The following MAD1L1 variants were observed in gnomAD, a reference collection of about 807,000 sequenced individuals.
MAD1L1 encodes the protein mitotic arrest deficient 1 like 1, also known as mitotic spindle assembly checkpoint protein MAD1.
In MAD1L1, 95 loss-of-function variants were observed where a neutral mutation model predicts 96.9. The ratio of observed to expected loss-of-function variants is 0.98; its 90% CI spans 0.83 to 1.16. The LOEUF is 1.16. Ranked by LOEUF, MAD1L1 falls within the 50% of genes most tolerant of loss-of-function variation. The probability of loss-of-function intolerance (pLI) is 0.00; values close to 1 mark genes in which losing one functional copy is unlikely to be tolerated. For missense variants in MAD1L1, 1,007 were observed against 954.4 expected, an observed-to-expected ratio of 1.06 and a Z score of -0.73; for synonymous variants, 473 against 396.6, an observed-to-expected ratio of 1.19 and a Z score of -2.29.
intron 10 of MAD1L1, among the ~76,000 whole-genome samples, chr7:2,180,030 T>G (rs562910810): frequency 6.6e-6 from 1 of 151,506 alleles, no homozygotes; most frequent in East Asian, 1.9e-4. Flanking sequence ...TCCCCTAATC[T>G]CTCCCAGGGC....
intron 18 of MAD1L1, among the ~76,000 whole-genome samples, chr7:1,843,384 G>T (rs1015888753): frequency 6.6e-6 from 1 of 152,150 alleles, no homozygotes; most frequent in Non-Finnish European, 1.5e-5. Context: ...CAGGGAGGCC[G>T]CAATGAAGGC....
chr7:1,852,281 C>T (rs1784018449), intron 18 of MAD1L1, among the ~76,000 whole-genome samples: 1 of 152,222 alleles, frequency 6.6e-6, no homozygotes, highest in Non-Finnish European at 1.5e-5. Context: ...GGGTTCAGGC[C>T]CCCACACCTG....
chr7:2,106,758 C>T (rs571736092), intron 11 of MAD1L1, among the ~76,000 whole-genome samples: 96 of 152,240 alleles, frequency 6.3e-4, no homozygotes, highest in Non-Finnish European at 1.2e-3. Flanking sequence ...ACCATTCAGT[C>T]CCTTCTGCAG....
intron 18 of MAD1L1, among the ~76,000 whole-genome samples, chr7:1,850,124 T>C (rs535768948): frequency 6.6e-6 from 1 of 152,296 alleles, no homozygotes; most frequent in Admixed American, 6.5e-5. Context: ...CGCCTTAATC[T>C]GAGTGGTTGT....
At chr7:2,037,613 A>T (rs182731640) in intron 12 of MAD1L1, among the ~76,000 whole-genome samples, 44 of 152,244 alleles carry the variant, frequency 2.9e-4, no homozygotes, top group African/African-American at 1.0e-3. Flanking sequence ...TACTTCCGAC[A>T]TTGCATCACT....
intron 14 of MAD1L1, among the ~76,000 whole-genome samples, chr7:1,996,957 G>C (rs1444878345): frequency 6.6e-6 from 1 of 152,044 alleles, no homozygotes; most frequent in African/African-American, 2.4e-5. Flanking sequence ...GGATATTTTA[G>C]AGCTGTAATC....
chr7:2,102,304 C>CCGT, intron 11 of MAD1L1, among the ~76,000 whole-genome samples: 2 of 77,014 alleles, frequency 2.6e-5, no homozygotes, highest in Non-Finnish European at 7.8e-5. Flanking sequence ...GTCACCATCA[C>CCGT]CACCGTCACC....
At chr7:2,061,978 C>T (rs1017404016) in intron 12 of MAD1L1, among the ~76,000 whole-genome samples, 14 of 152,296 alleles carry the variant, frequency 9.2e-5, no homozygotes, top group Middle Eastern at 3.4e-3. Context: ...CAGTGGCTCA[C>T]GCCTGTAATC....
chr7:1,965,081 G>A (rs73292426), intron 15 of MAD1L1, among the ~76,000 whole-genome samples: 2,423 of 152,308 alleles, frequency 0.016, 74 homozygotes, highest in African/African-American at 0.055. Context: ...CTAGCTCCAC[G>A]TTTCCAGCCC....
chr7:2,077,848 T>C (rs530035870), intron 11 of MAD1L1, among the ~76,000 whole-genome samples: 1 of 152,290 alleles, frequency 6.6e-6, no homozygotes, highest in African/African-American at 2.4e-5. Context: ...GTGCTCGTCC[T>C]CCAGTCACAA....
intron 11 of MAD1L1, among the ~76,000 whole-genome samples, chr7:2,124,001 C>T (rs1788108929): frequency 6.6e-6 from 1 of 152,240 alleles, no homozygotes; most frequent in Admixed American, 6.5e-5. Flanking sequence ...AAGAACTCTG[C>T]TTCCTGGGAA....
chr7:2,128,462 AC>A (rs1788345412), intron 11 of MAD1L1, among the ~76,000 whole-genome samples: 1 of 152,114 alleles, frequency 6.6e-6, no homozygotes, highest in African/African-American at 2.4e-5. Flanking sequence ...AGCACAGAAC[AC>A]GAACAGGAAG....
intron 18 of MAD1L1, among the ~76,000 whole-genome samples, chr7:1,890,972 G>C (rs183789084): frequency 6.6e-6 from 1 of 152,104 alleles, no homozygotes; most frequent in Non-Finnish European, 1.5e-5. Context: ...CGCCAGCAGC[G>C]GGCTCTGTGC....
At chr7:2,042,955 C>T (rs1467638350) in intron 12 of MAD1L1, among the ~76,000 whole-genome samples, 6 of 152,244 alleles carry the variant, frequency 3.9e-5, no homozygotes, top group South Asian at 2.1e-4. Context: ...GGCCAGAGGA[C>T]GCTGCCACAG....
intron 12 of MAD1L1, among the ~76,000 whole-genome samples, chr7:2,056,860 C>T (rs2128520790): frequency 6.6e-6 from 1 of 152,362 alleles, no homozygotes; most frequent in East Asian, 1.9e-4. Flanking sequence ...CCACGACCAC[C>T]TACGGCATTG....
chr7:1,862,188 G>A (rs528610452), intron 18 of MAD1L1, among the ~76,000 whole-genome samples: 2 of 152,158 alleles, frequency 1.3e-5, no homozygotes, highest in South Asian at 2.1e-4. Context: ...TCTGGACTTC[G>A]GGAGCCAGGT....
At chr7:2,034,221 CTTT>C (rs565833842) in intron 12 of MAD1L1, among the ~76,000 whole-genome samples, 2 of 143,910 alleles carry the variant, frequency 1.4e-5, no homozygotes, top group Non-Finnish European at 1.5e-5. Context: ...AAAGAGTCTC[CTTT>C]TTTTTTTTTT....
intron 16 of MAD1L1, 67 bp downstream of exon 16, chr7:1,957,562 C>A: frequency 1.3e-6 from 2 of 1,496,816 alleles, no homozygotes; most frequent in South Asian, 2.3e-5. Context: ...GAACCACGGT[C>A]GTTCACGACG....
intron 12 of MAD1L1, among the ~76,000 whole-genome samples, chr7:2,062,465 C>G (rs1784704060): frequency 6.6e-6 from 1 of 151,798 alleles, no homozygotes; most frequent in South Asian, 2.1e-4. Context: ...ATCCCAGCTA[C>G]TCGAGAGGCT....
Sources: allele counts gnomAD v4.1 joint callset (sites outside exome capture counted in the v4.1 genomes callset), GRCh38; gene constraint gnomAD v4.1.1; transcripts MANE v1.5; gene names NCBI Gene and HGNC (gene_info 2026-07-23, HGNC 2026-07-21).